The following NCAM2 variants were observed in gnomAD, a reference collection of about 807,000 sequenced individuals.
NCAM2 encodes neural cell adhesion molecule 2.
NCAM2 carries 30 observed loss-of-function variants against 98.1 expected under a neutral mutation model. That is an observed-to-expected ratio of 0.31 (90% CI 0.23 to 0.41). The LOEUF (loss-of-function observed/expected upper bound fraction) is 0.41. Among genes scored for constraint, NCAM2 ranks in the 10% least tolerant of loss-of-function variants. The probability of loss-of-function intolerance (pLI) is 1.00; values close to 1 mark genes in which losing one functional copy is unlikely to be tolerated. For synonymous variants in NCAM2, 368 were observed against 342.4 expected, an observed-to-expected ratio of 1.07 and a Z score of -0.83; for missense variants, 867 against 1,005.8, an observed-to-expected ratio of 0.86 and a Z score of 1.87.
At chr21:21,227,001 T>C (rs888524151) in intron 1 of NCAM2, among the ~76,000 whole-genome samples, 4 of 152,008 alleles carry the variant, frequency 2.6e-5, no homozygotes, top group African/African-American at 9.7e-5. Context: ...TAATAATATA[T>C]AATCTTACTC....
At chr21:21,125,494 G>GCAATATATAATATTTTACATATA (rs2066782211) in intron 1 of NCAM2, among the ~76,000 whole-genome samples, 1 of 74,150 alleles carries the variant, frequency 1.3e-5, no homozygotes, top group Admixed American at 1.6e-4. Context: ...AGATATATAT[G>GCAATATATAATATTTTACATATA]TAATATGTAA....
At chr21:21,153,900 C>T (rs974640635) in intron 1 of NCAM2, among the ~76,000 whole-genome samples, 35 of 151,452 alleles carry the variant, frequency 2.3e-4, no homozygotes, top group Non-Finnish European at 1.8e-4. Flanking sequence ...AGTATGACAG[C>T]CAAATAAAGT....
chr21:21,261,812 A>G (rs897610826), intron 1 of NCAM2, among the ~76,000 whole-genome samples: 1 of 152,148 alleles, frequency 6.6e-6, no homozygotes, highest in Non-Finnish European at 1.5e-5. Flanking sequence ...CTAGAAAAAC[A>G]AGAAAAAATC....
At chr21:21,219,952 C>T (rs1379155823) in intron 1 of NCAM2, among the ~76,000 whole-genome samples, 1 of 151,706 alleles carries the variant, frequency 6.6e-6, no homozygotes, top group Non-Finnish European at 1.5e-5. Flanking sequence ...ACCAAAAGAA[C>T]TTTAAAAGTA....
At chr21:21,177,267 G>T (rs1207997007) in intron 1 of NCAM2, among the ~76,000 whole-genome samples, 1 of 150,980 alleles carries the variant, frequency 6.6e-6, no homozygotes, top group Admixed American at 6.6e-5. Flanking sequence ...AACCCTGTTT[G>T]TTATTTTCTT....
intron 11 of NCAM2, among the ~76,000 whole-genome samples, chr21:21,426,706 C>T (rs2077221452): frequency 6.6e-6 from 1 of 152,148 alleles, no homozygotes; most frequent in African/African-American, 2.4e-5. Flanking sequence ...TTCATATCTG[C>T]AGAGCCTCTT....
chr21:21,453,004 A>T (rs1443981444), intron 12 of NCAM2, among the ~76,000 whole-genome samples: 1 of 104,540 alleles, frequency 9.6e-6, no homozygotes, highest in Admixed American at 1.5e-4. Context: ...TATATAATAT[A>T]TAATATATAA....
rs139998736 is a variant in NCAM2, at chr21:21,157,291, C to T, written c.56-123287C>T. 4.7e-3 allele frequency among the ~76,000 whole-genome samples: 716 copies of T among 152,236 alleles called. 1 individual carries two copies. The highest frequency in any genetic ancestry group is 0.016 in the African/African-American group (661 of 41,546). On this transcript the variant is annotated intron_variant, in intron 1 of 17. Coordinates refer to ENST00000400546, the MANE Select transcript of NCAM2 (RefSeq NM_004540.5). ...CTTCCACATTTGGTATAAAAATGAACACTTTGCTGTGCTCTAGGCAATACC... is the reference window on the plus strand; with the variant it reads ...CTTCCACATTTGGTATAAAAATGAATACTTTGCTGTGCTCTAGGCAATACC...
At chr21:21,526,669 A>C (rs1314098417) in intron 16 of NCAM2, among the ~76,000 whole-genome samples, 1 of 152,166 alleles carries the variant, frequency 6.6e-6, no homozygotes, top group East Asian at 1.9e-4. Flanking sequence ...CACAATAACC[A>C]AAGTAATATT....
chr21:21,431,675 C>T (rs934050619), intron 11 of NCAM2, among the ~76,000 whole-genome samples: 2 of 151,880 alleles, frequency 1.3e-5, no homozygotes, highest in South Asian at 2.1e-4. Flanking sequence ...AAAGAAAATA[C>T]ATTTTGTATT....
Position 21,324,623 on chromosome 21 carries a change from T to C in NCAM2, c.737+123T>C, listed in dbSNP as rs189350317. The C allele has an allele frequency of 1.6e-5, 11 of 707,672 alleles. No homozygotes were observed. In the East Asian group the frequency reaches 2.8e-4, roughly 18 times the overall value. The allele number at this position is 707,672 out of a possible 1,614,324, so 43.8% of individuals were successfully genotyped here. Reference sequence around the variant, plus strand: ...GCATTTTAGTTTCATTAAAAAAAAATCCTGGTGCTATCTTTGGGGCTTACG... The same window carrying C: ...GCATTTTAGTTTCATTAAAAAAAAACCCTGGTGCTATCTTTGGGGCTTACG... On this transcript the variant is annotated intron_variant, in intron 6 of 17. Coordinates refer to ENST00000400546, the MANE Select transcript of NCAM2 (RefSeq NM_004540.5).
At chr21:21,316,795 C>T (rs1370207917) in intron 5 of NCAM2, among the ~76,000 whole-genome samples, 5 of 152,116 alleles carry the variant, frequency 3.3e-5, no homozygotes, top group Non-Finnish European at 1.5e-5. Flanking sequence ...CTGCCTGCCT[C>T]AGCCTCCCAA....
intron 9 of NCAM2, among the ~76,000 whole-genome samples, chr21:21,386,168 G>T (rs1470248819): frequency 6.6e-6 from 1 of 152,010 alleles, no homozygotes; most frequent in Non-Finnish European, 1.5e-5. Context: ...TATAACAGTG[G>T]ATGTACATTC....
chr21:21,167,672 A>G (rs929374081), intron 1 of NCAM2, among the ~76,000 whole-genome samples: 3 of 152,190 alleles, frequency 2.0e-5, no homozygotes, highest in African/African-American at 7.2e-5. Context: ...CATTAAAATC[A>G]TAAAGGAATA....
chr21:21,369,159 T>C (rs1285065750), intron 8 of NCAM2, among the ~76,000 whole-genome samples: 1 of 706 alleles, frequency 1.4e-3, no homozygotes, highest in Non-Finnish European at 2.9e-3. Flanking sequence ...AACATTATTC[T>C]ACTTTTTTGT....
intron 1 of NCAM2, among the ~76,000 whole-genome samples, chr21:21,142,542 C>A (rs1036340937): frequency 8.5e-6 from 1 of 118,338 alleles, no homozygotes; most frequent in African/African-American, 3.7e-5. Flanking sequence ...CCAGGCCTGG[C>A]TAATTTTTTT....
intron 1 of NCAM2, among the ~76,000 whole-genome samples, chr21:21,023,846 T>C (rs1197999367): frequency 6.6e-6 from 1 of 152,150 alleles, no homozygotes; most frequent in African/African-American, 2.4e-5. Context: ...ATCTAATTTT[T>C]TACATTAAAG....
intron 16 of NCAM2, among the ~76,000 whole-genome samples, chr21:21,512,151 C>T (rs944352744): frequency 6.6e-6 from 1 of 151,882 alleles, no homozygotes; most frequent in Non-Finnish European, 1.5e-5. Context: ...AGAGGTATTA[C>T]TCAAAGAAAT....
At chr21:21,383,482 G>C (rs780634753) in intron 9 of NCAM2, among the ~76,000 whole-genome samples, 1 of 152,000 alleles carries the variant, frequency 6.6e-6, no homozygotes, top group Non-Finnish European at 1.5e-5. Flanking sequence ...ACTAGGGCCC[G>C]TCCCCTGGGA....
Sources: allele counts gnomAD v4.1 joint callset (sites outside exome capture counted in the v4.1 genomes callset), GRCh38; gene constraint gnomAD v4.1.1; transcripts MANE v1.5; gene names NCBI Gene and HGNC (gene_info 2026-07-23, HGNC 2026-07-21).